The following BIN1 variants were observed in gnomAD, a reference collection of about 807,000 sequenced individuals.
BIN1 encodes bridging integrator 1.
Under a neutral mutation model 82.0 loss-of-function variants are expected in BIN1, and 53 were observed. That is an observed-to-expected ratio of 0.65 (90% confidence interval 0.52 to 0.81). BIN1 has a LOEUF of 0.81. BIN1 is among the 40% of genes least tolerant of loss of function. BIN1 has a pLI of 0.00. For synonymous variants in BIN1, 302 were observed against 328.0 expected (o/e 0.92, Z 0.86); for missense variants, 642 against 784.4 (o/e 0.82, Z 2.17).
chr2:127,096,994 G>A (rs890461621), intron 1 of BIN1, among the ~76,000 whole-genome samples: 1 of 151,872 alleles, frequency 6.6e-6, no homozygotes, highest in Non-Finnish European at 1.5e-5. Flanking sequence ...GAAACCCCTC[G>A]CTGCCAGACA....
intron 18 of BIN1, 137 bp downstream of exon 18, chr2:127,050,284 G>C (rs1682734885): frequency 3.6e-6 from 3 of 832,022 alleles, no homozygotes; most frequent in Non-Finnish European, 6.0e-6. Flanking sequence ...AGGGCGGGGA[G>C]GAGCAGTTGG....
In BIN1 at chr2:127,059,455, G is replaced by A. The variant is rs1398290321; in HGVS notation, c.858-300C>T. ...GGCAGGTCCCTTGGAACCATCTGTC[G>A]CAGAGACCAGACCAACCACCCCACA... On this transcript the variant is annotated intron_variant, in intron 10 of 18. Transcript: ENST00000316724. This position sits in a 1 kb window ranked among gnomAD's most constrained non-coding sequence, Gnocchi z 6.7. Among the ~76,000 whole-genome samples the A allele has an allele frequency of 3.3e-5, 5 of 151,970 alleles. No homozygotes were observed. Among genetic ancestry groups the A allele is most frequent in the East Asian group, 1.9e-4 (1 of 5,180 alleles).
intron 10 of BIN1, among the ~76,000 whole-genome samples, chr2:127,061,209 C>G (rs1272171496): frequency 9.0e-6 from 1 of 111,120 alleles, no homozygotes; most frequent in Non-Finnish European, 1.9e-5. Flanking sequence ...CACCCCGCTA[C>G]CCACCCCCCC....
intron 17 of BIN1, 81 bp downstream of exon 17, chr2:127,050,719 CCA>C (rs1682815489): frequency 2.0e-6 from 3 of 1,513,984 alleles, no homozygotes; most frequent in Admixed American, 1.7e-5. Context: ...TTTGGGCAAA[CCA>C]CAGAGTCTCC....
chr2:127,078,609 C>T (rs964654214), intron 1 of BIN1, among the ~76,000 whole-genome samples: 2 of 152,106 alleles, frequency 1.3e-5, no homozygotes, highest in Non-Finnish European at 2.9e-5. Flanking sequence ...GGGACACAGC[C>T]CCTTGGGCAA....
chr2:127,071,097 A>G (rs1253710719), intron 2 of BIN1, among the ~76,000 whole-genome samples: 1 of 152,142 alleles, frequency 6.6e-6, no homozygotes, highest in Admixed American at 6.5e-5. Context: ...CCCCTCCGAG[A>G]TGACGTGCTG....
intron 11 of BIN1, among the ~76,000 whole-genome samples, chr2:127,058,358 A>G (rs1683976108): frequency 6.6e-6 from 1 of 152,174 alleles, no homozygotes. Context: ...CCTAGTCAGC[A>G]GCAGAGCAGG....
intron 15 of BIN1, 107 bp from the exon 16 acceptor site, chr2:127,051,350 C>T (rs1267619566): frequency 2.0e-5 from 23 of 1,158,080 alleles, no homozygotes; most frequent in Non-Finnish European, 2.8e-5. Context: ...CCGGGGGCAT[C>T]GCCTGGCTGG....
At chr2:127,050,618 T>C in intron 17 of BIN1, 96 bp from the exon 18 acceptor site, 1 of 1,442,154 alleles carries the variant, frequency 6.9e-7, no homozygotes, top group Non-Finnish European at 9.7e-7. Flanking sequence ...GGTGGCAGTA[T>C]GGAGACCAGG....
At chr2:127,097,368 C>T (rs1679741996) in intron 1 of BIN1, among the ~76,000 whole-genome samples, 1 of 151,834 alleles carries the variant, frequency 6.6e-6, no homozygotes. Context: ...CGTCACTCCT[C>T]CAGGCCCAGC....
Position 127,088,329 on chromosome 2 carries a change from T to C in BIN1, c.85-11623A>G, listed in dbSNP as rs143893037. On this transcript the variant is annotated intron_variant, in intron 1 of 18. Transcript: ENST00000316724. ...TTGAAGACTCAGCAACGTGCCCTGG[T>C]GGCAGTGTGCCTGGCCATGCTCTAT... Among the ~76,000 whole-genome samples, 359 of 152,332 alleles carry C rather than the reference T, an allele frequency of 2.4e-3. 3 individuals are homozygous for C. The highest frequency in any genetic ancestry group is 8.3e-3 in the African/African-American group (347 of 41,582).
intron 7 of BIN1, among the ~76,000 whole-genome samples, chr2:127,064,266 C>T (rs1267713744): frequency 4.6e-5 from 7 of 152,330 alleles, no homozygotes; most frequent in Non-Finnish European, 1.0e-4. Context: ...CCCACGTGGC[C>T]GGGAGGGCAG....
chr2:127,049,724 T>C (rs1429547137), intron 18 of BIN1, among the ~76,000 whole-genome samples: 1 of 152,138 alleles, frequency 6.6e-6, no homozygotes, highest in Non-Finnish European at 1.5e-5. Flanking sequence ...GGGAGGCTCC[T>C]GCCAAGAGTC....
At chr2:127,048,694 G>T in intron 18 of BIN1, 61 bp from the exon 19 acceptor site, 2 of 1,509,106 alleles carry the variant, frequency 1.3e-6, no homozygotes, top group South Asian at 2.3e-5. Context: ...CACAGGGCAC[G>T]CATCCCACTC....
In BIN1 at chr2:127,069,040, G is replaced by C; in HGVS notation, c.412-9C>G. On this transcript the variant is annotated splice_polypyrimidine_tract_variant and intron_variant, in intron 5 of 18. Coordinates refer to ENST00000316724, the MANE Select transcript of BIN1 (RefSeq NM_139343.3). ...CGCTTGGCAATGCGTGACTGGGGCAGACAGAGGAGGGCACTAAGCGGGGCC... is the reference window on the plus strand; with the variant it reads ...CGCTTGGCAATGCGTGACTGGGGCACACAGAGGAGGGCACTAAGCGGGGCC... The C allele has an allele frequency of 6.2e-7, 1 of 1,613,352 alleles. No homozygotes were observed. The highest frequency in any genetic ancestry group is 1.3e-5 in the African/African-American group (1 of 75,070).
rs750290263 is a variant in BIN1, at chr2:127,070,451, C to T, written c.315+102G>A. On this transcript the variant is annotated intron_variant, in intron 4 of 18. Transcript: ENST00000316724. ...CCAGGGCACACAGCACGCGAATGCC[C>T]GAGAACCAGAGAGGCTTGTCCCAGA... The T allele has an allele frequency of 3.4e-4, 495 of 1,442,682 alleles. No individual in the cohort carries two copies. The Middle Eastern group carries it at 5.8e-3, about 17-fold the overall frequency. 89.4% of individuals were successfully genotyped at this position (1,442,682 alleles called of 1,614,324 possible). A position where few individuals can be genotyped will look rare whatever the true frequency, so the allele number is the denominator to read the frequency against.
intron 2 of BIN1, among the ~76,000 whole-genome samples, chr2:127,072,171 G>A (rs2105091416): frequency 6.6e-6 from 1 of 152,358 alleles, no homozygotes; most frequent in East Asian, 1.9e-4. Flanking sequence ...CCGGAAGGTG[G>A]GCCCCATCCA....
rs1682882861 is a variant in BIN1, at chr2:127,051,100, C to T, written c.1461+54G>A. The T allele has an allele frequency of 8.1e-6, 13 of 1,604,736 alleles. 1 individual carries two copies. Among genetic ancestry groups the T allele is most frequent in the South Asian group, 5.5e-5 (5 of 90,888 alleles). On this transcript the variant is annotated intron_variant, in intron 16 of 18. Coordinates refer to ENST00000316724, the MANE Select transcript of BIN1 (RefSeq NM_139343.3). ...GCAGGGGCCACAGGGGAGCCCCGGA[C>T]AGGCAGGCGGGCGGCAGGGAGGAAA...
chr2:127,105,481 C>G (rs1442630645), intron 1 of BIN1, among the ~76,000 whole-genome samples: 2 of 151,018 alleles, frequency 1.3e-5, no homozygotes, highest in East Asian at 4.0e-4. Flanking sequence ...CCTCCTCCTC[C>G]TCCTCCTCCT....
Sources: gnomAD v4.1 joint callset for allele counts (sites outside exome capture counted in the v4.1 genomes callset) on GRCh38, gnomAD v4.1.1 for gene constraint, Gnocchi (gnomAD v3.1) non-coding constraint, MANE v1.5 for transcripts, NCBI Gene and HGNC (gene_info 2026-07-23, HGNC 2026-07-21) for gene names.